The following TAS2R1 variants were observed in gnomAD, a reference collection of about 807,000 sequenced individuals.
The protein encoded by TAS2R1 is taste 2 receptor member 1, also known as taste receptor type 2 member 1.
For missense variants in TAS2R1, 370 were observed against 353.4 expected, an observed-to-expected ratio of 1.05 and a Z score of -0.38; for synonymous variants, 141 against 134.2, an observed-to-expected ratio of 1.05 and a Z score of -0.35.
upstream of TAS2R1, among the ~76,000 whole-genome samples, chr5:9,633,512 A>T (rs979815254): frequency 6.6e-6 from 1 of 151,580 alleles, no homozygotes; most frequent in African/African-American, 2.4e-5. Context: ...TAGTTCTTTA[A>T]ATAAACTCCA....
chr5:9,757,854 G>A, the TAS2R1 span, among the ~76,000 whole-genome samples: 1 of 152,022 alleles, frequency 6.6e-6, no homozygotes, highest in African/African-American at 2.4e-5. Flanking sequence ...CTCTGTAGGA[G>A]TATTATTAGC....
the TAS2R1 span, among the ~76,000 whole-genome samples, chr5:9,833,637 T>A: frequency 6.6e-6 from 1 of 151,944 alleles, no homozygotes; most frequent in African/African-American, 2.4e-5. Flanking sequence ...CAAATATCCA[T>A]AAAAGAAGAA....
intron 2 of TAS2R1, among the ~76,000 whole-genome samples, chr5:9,647,632 T>C (rs962102596): frequency 6.6e-6 from 1 of 152,184 alleles, no homozygotes; most frequent in African/African-American, 2.4e-5. Flanking sequence ...TAGTAGTATA[T>C]TAGAAAGGGA....
the TAS2R1 span, among the ~76,000 whole-genome samples, chr5:9,718,267 C>T: frequency 1.3e-5 from 2 of 152,060 alleles, no homozygotes; most frequent in African/African-American, 2.4e-5. Flanking sequence ...CTGCGCCCAG[C>T]CACCATAAGT....
the TAS2R1 span, among the ~76,000 whole-genome samples, chr5:9,872,323 G>A: frequency 1.3e-5 from 2 of 152,150 alleles, no homozygotes; most frequent in Admixed American, 6.5e-5. Context: ...TGGATTGGAG[G>A]ATGAATTCTC....
chr5:9,825,403 A>G, the TAS2R1 span, among the ~76,000 whole-genome samples: 3 of 152,162 alleles, frequency 2.0e-5, no homozygotes, highest in Non-Finnish European at 4.4e-5. Context: ...CTATCATGAG[A>G]ACAGCACAGG....
chr5:9,673,658 A>T (rs1484241537), intron 1 of TAS2R1, among the ~76,000 whole-genome samples: 1 of 151,956 alleles, frequency 6.6e-6, no homozygotes, highest in Non-Finnish European at 1.5e-5. Context: ...AAAAAACAGA[A>T]TTTATCCAGA....
the TAS2R1 span, among the ~76,000 whole-genome samples, chr5:9,744,066 G>A: frequency 7.9e-5 from 12 of 152,100 alleles, no homozygotes; most frequent in African/African-American, 1.2e-4. Context: ...AGATCACTCT[G>A]CACCCAAGTT....
At chr5:9,896,229 C>A in the TAS2R1 span, among the ~76,000 whole-genome samples, 1 of 152,190 alleles carries the variant, frequency 6.6e-6, no homozygotes, top group East Asian at 1.9e-4. Flanking sequence ...CTTCACGAAT[C>A]TTACAGAACT....
At chr5:9,647,375 G>T (rs1440351577) in intron 2 of TAS2R1, among the ~76,000 whole-genome samples, 2 of 152,118 alleles carry the variant, frequency 1.3e-5, no homozygotes, top group Admixed American at 1.3e-4. Context: ...TCAGTGGGTG[G>T]ATGTTATCCA....
the TAS2R1 span, among the ~76,000 whole-genome samples, chr5:9,807,533 A>T: frequency 6.6e-6 from 1 of 152,196 alleles, no homozygotes; most frequent in South Asian, 2.1e-4. Context: ...AGATATAGAA[A>T]ATTTGGTATA....
the TAS2R1 span, among the ~76,000 whole-genome samples, chr5:9,896,906 A>G: frequency 6.6e-6 from 1 of 152,220 alleles, no homozygotes; most frequent in Non-Finnish European, 1.5e-5. Context: ...GAAGGGAGAC[A>G]ACAATTTGGC....
At chr5:9,730,482 T>C in the TAS2R1 span, among the ~76,000 whole-genome samples, 1 of 152,174 alleles carries the variant, frequency 6.6e-6, no homozygotes, top group Non-Finnish European at 1.5e-5. Context: ...CTGCCACACC[T>C]GTGCAGGTGC....
the TAS2R1 span, among the ~76,000 whole-genome samples, chr5:9,724,173 T>G: frequency 6.6e-6 from 1 of 152,198 alleles, no homozygotes; most frequent in African/African-American, 2.4e-5. Context: ...TGATTTCATT[T>G]GCATCTTCCC....
chr5:9,834,270 C>T, the TAS2R1 span, among the ~76,000 whole-genome samples: 1 of 152,370 alleles, frequency 6.6e-6, no homozygotes, highest in East Asian at 1.9e-4. Flanking sequence ...GTTTCCTCAA[C>T]ATCCTGTTTC....
chr5:9,743,817 A>C, the TAS2R1 span, among the ~76,000 whole-genome samples: 1 of 152,294 alleles, frequency 6.6e-6, no homozygotes, highest in Non-Finnish European at 1.5e-5. Context: ...ACCAAAGGCA[A>C]GTGAGGAGGA....
At chr5:9,782,556 C>A in the TAS2R1 span, among the ~76,000 whole-genome samples, 1 of 152,126 alleles carries the variant, frequency 6.6e-6, no homozygotes, top group Non-Finnish European at 1.5e-5. Context: ...AAAGCAAGAC[C>A]CCTTTGCACC....
At chr5:9,865,559 G>A in the TAS2R1 span, among the ~76,000 whole-genome samples, 2 of 152,106 alleles carry the variant, frequency 1.3e-5, no homozygotes, top group African/African-American at 4.8e-5. Flanking sequence ...AACTCCCTTT[G>A]CTGTTTTCTT....
the TAS2R1 span, among the ~76,000 whole-genome samples, chr5:9,768,619 T>G: frequency 6.6e-6 from 1 of 152,116 alleles, no homozygotes; most frequent in African/African-American, 2.4e-5. Flanking sequence ...TCCCATTCCT[T>G]GAACAGTCAC....
Sources: gnomAD v4.1 joint callset for allele counts (sites outside exome capture counted in the v4.1 genomes callset) on GRCh38, gnomAD v4.1.1 for gene constraint, MANE v1.5 for transcripts, NCBI Gene and HGNC (gene_info 2026-07-23, HGNC 2026-07-21) for gene names.